Variants in SETD5 observed in about 807,000 individuals in gnomAD.
SETD5 encodes SET domain containing 5, also known as histone-lysine N-methyltransferase SETD5.
A neutral mutation model predicts 153.3 loss-of-function variants in SETD5; 44 were observed. The observed-to-expected ratio is 0.29, with a 90% confidence interval of 0.23 to 0.37. The LOEUF is 0.37. SETD5 is among the 10% of genes least tolerant of loss of function. The probability of loss-of-function intolerance (pLI) is 1.00; values close to 1 mark genes in which losing one functional copy is unlikely to be tolerated. For missense variants in SETD5, 1,544 were observed against 1,768.0 expected (o/e 0.87, Z 2.27); for synonymous variants, 716 against 645.2 (o/e 1.11, Z -1.66).
intron 1 of SETD5, among the ~76,000 whole-genome samples, chr3:9,406,309 A>G (rs934450468): frequency 6.6e-6 from 1 of 152,258 alleles, no homozygotes; most frequent in Non-Finnish European, 1.5e-5. Flanking sequence ...ATGATTGATT[A>G]TATGCTGAAT....
rs1207340738 is a variant in SETD5, at chr3:9,470,929, A to G, written c.3195A>G (p.Lys1065=). 1 of 1,532,616 alleles carries G rather than the reference A, an allele frequency of 6.5e-7. No individual in the cohort carries two copies. The highest frequency in any genetic ancestry group is 8.9e-7 in the Non-Finnish European group (1 of 1,127,582). The allele number at this position is 1,532,616 out of a possible 1,614,324, so 94.9% of individuals were successfully genotyped here. ...CCCAGAACCCACCACAGAGGAAAAA[A>G]GTAAGTGTTTCATGTTATATCGGCG... is the stretch of plus-strand genomic sequence containing the variant. ...SAPQNPPQRK[K]VSLLEYRKRK... is the part of the protein sequence containing the mutation. Residue 1065 remains lysine, a splice_region_variant and synonymous_variant, in exon 19 of 23, where the codon AAA becomes AAG. Coordinates refer to ENST00000402198, the MANE Select transcript of SETD5 (RefSeq NM_001080517.3).
chr3:9,440,429 TA>T, intron 7 of SETD5, 26 bp from the exon 8 acceptor site: 1 of 1,264,016 alleles, frequency 7.9e-7, no homozygotes, highest in Non-Finnish European at 1.2e-6. Context: ...TGGACTTTAC[TA>T]ACCTCCCTGA....
chr3:9,412,387 GTTTTTTTTTTT>G (rs370566998), intron 1 of SETD5, among the ~76,000 whole-genome samples: 3 of 89,542 alleles, frequency 3.4e-5, no homozygotes, highest in East Asian at 3.2e-4. Context: ...ACAGTTTTGG[GTTTTTTTTTTT>G]TTTTTTTTTT....
chr3:9,468,557 C>T (rs183808775), intron 18 of SETD5: 63 of 1,304,292 alleles, frequency 4.8e-5, no homozygotes, highest in Middle Eastern at 2.1e-4. Context: ...CGCATAGGCC[C>T]GAGTCCCTGT....
Position 9,447,776 on chromosome 3 carries a change from A to G in SETD5, c.1873A>G (p.Ser625Gly), listed in dbSNP as rs1477767954. ...GAGTCGAATTTCTCGGTACAGGACC[A>G]GTTCAGCCCAAAGACTAAAGCGTCA... is the stretch of plus-strand genomic sequence containing the variant. ...PKSRISRYRT[S>G]SAQRLKRQKQ... Residue 625 changes from serine (S) to glycine (G), a missense_variant, in exon 15 of 23, where the codon AGT becomes GGT. Ser to Gly is a moderately conservative substitution (Grantham distance 56). Around this residue, in one of 9 missense-constraint regions of SETD5, gnomAD observed 782 missense variants for 787.2 expected, o/e 0.99. Coordinates refer to ENST00000402198, the MANE Select transcript of SETD5 (RefSeq NM_001080517.3). 2 of 1,614,056 alleles carry G rather than the reference A, an allele frequency of 1.2e-6. No homozygotes were observed. The highest frequency in any genetic ancestry group is 1.7e-5 in the Admixed American group (1 of 60,024).
rs112181104 is a variant in SETD5, at chr3:9,446,026, G to A, written c.1524+286G>A. Among the ~76,000 whole-genome samples, 174 of 133,920 alleles carry A rather than the reference G, an allele frequency of 1.3e-3. 2 individuals carry two copies. The highest frequency in any genetic ancestry group is 4.6e-3 in the African/African-American group (162 of 35,072). The allele number at this position is 133,920 out of a possible 152,430, so 87.9% of individuals were successfully genotyped here. A position where few individuals can be genotyped will look rare whatever the true frequency, so the allele number is the denominator to read the frequency against. On this transcript the variant is annotated intron_variant, in intron 13 of 22. Coordinates refer to ENST00000402198, the MANE Select transcript of SETD5 (RefSeq NM_001080517.3). ...GTTTCCGCTGGGCGCGGTGGCTCAC[G>A]CCTGTAATCCCAGCACTTTGGGAGG...
At chr3:9,475,408 G>C in intron 22 of SETD5, 75 bp from the exon 23 acceptor site, 1 of 1,525,778 alleles carries the variant, frequency 6.6e-7, no homozygotes, top group Non-Finnish European at 8.8e-7. Context: ...AAAGAATGTA[G>C]GGTATTATAA....
At chr3:9,433,230 T>C (rs943593900) in intron 3 of SETD5, 1 of 441,120 alleles carries the variant, frequency 2.3e-6, no homozygotes, top group Admixed American at 3.6e-5. Flanking sequence ...AGCTGATAAA[T>C]AATTTTGTCC....
intron 7 of SETD5, among the ~76,000 whole-genome samples, chr3:9,437,183 GT>G (rs1179213248): frequency 6.6e-6 from 1 of 152,168 alleles, no homozygotes; most frequent in Non-Finnish European, 1.5e-5. Context: ...TTCTGTCACT[GT>G]GATTGAACTC....
chr3:9,403,778 G>C (rs1310756466), intron 1 of SETD5, among the ~76,000 whole-genome samples: 1 of 152,146 alleles, frequency 6.6e-6, no homozygotes, highest in African/African-American at 2.4e-5. Context: ...AGATCTGTTG[G>C]TTATCTGGTC....
intron 17 of SETD5, among the ~76,000 whole-genome samples, chr3:9,456,858 C>G (rs1240793505): frequency 6.6e-6 from 1 of 152,148 alleles, no homozygotes; most frequent in South Asian, 2.1e-4. Context: ...CACCTGTAGT[C>G]CCAGCTACTC....
At chr3:9,475,213 G>C in intron 22 of SETD5, 57 bp downstream of exon 22, 1 of 1,483,528 alleles carries the variant, frequency 6.7e-7, no homozygotes, top group Non-Finnish European at 9.2e-7. Context: ...GTCCCAAATT[G>C]TCCTGGTCAT....
At chr3:9,426,373 C>A (rs2039245898) in intron 2 of SETD5, among the ~76,000 whole-genome samples, 1 of 149,666 alleles carries the variant, frequency 6.7e-6, no homozygotes, top group Non-Finnish European at 1.5e-5. Context: ...TTAGCTGGGA[C>A]TACAGGTGCA....
At chr3:9,452,224 T>C (rs2042698538) in intron 16 of SETD5, among the ~76,000 whole-genome samples, 1 of 152,216 alleles carries the variant, frequency 6.6e-6, no homozygotes, top group African/African-American at 2.4e-5. Context: ...CCTGGAAATA[T>C]TAAAAAATTA....
At chr3:9,438,536 T>A (rs768899543) in intron 7 of SETD5, among the ~76,000 whole-genome samples, 2 of 152,104 alleles carry the variant, frequency 1.3e-5, no homozygotes, top group Non-Finnish European at 2.9e-5. Flanking sequence ...GAAAAAAAAA[T>A]TACTAGTCAT....
chr3:9,398,950 A>G (rs1422491759), intron 1 of SETD5, among the ~76,000 whole-genome samples: 5 of 151,994 alleles, frequency 3.3e-5, no homozygotes, highest in Non-Finnish European at 5.9e-5. Flanking sequence ...TATGACCTGC[A>G]TTTTCTGCTT....
intron 1 of SETD5, among the ~76,000 whole-genome samples, chr3:9,404,522 G>T (rs983463767): frequency 1.3e-5 from 2 of 152,014 alleles, no homozygotes; most frequent in Non-Finnish European, 2.9e-5. Context: ...AGAAATTTAG[G>T]GTAGTCATTT....
At chr3:9,405,238 A>G (rs2035469579) in intron 1 of SETD5, among the ~76,000 whole-genome samples, 2 of 152,166 alleles carry the variant, frequency 1.3e-5, no homozygotes, top group South Asian at 4.1e-4. Context: ...CATTATTACC[A>G]CCAGATGCCA....
chr3:9,478,022 T>A lies in SETD5; in HGVS notation c.*1931T>A, dbSNP rs1283355355. The A allele has an allele frequency of 6.6e-6, 1 of 152,358 alleles. No homozygotes were observed. The highest frequency in any genetic ancestry group is 1.5e-5 in the Non-Finnish European group (1 of 68,306). 9.4% of individuals were successfully genotyped at this position (152,358 alleles called of 1,614,324 possible). A position where few individuals can be genotyped will look rare whatever the true frequency, so the allele number is the denominator to read the frequency against. ...GTAGGGGCGGGGGGGTGGGGGGAAC[T>A]CTTGGAAGGGAAGAAGTATCACTTC... is the stretch of plus-strand genomic sequence containing the variant. On this transcript the variant is annotated 3_prime_UTR_variant, in exon 23 of 23. Transcript: ENST00000402198.
Sources: gnomAD v4.1 joint callset for allele counts (sites outside exome capture counted in the v4.1 genomes callset) on GRCh38, gnomAD v4.1.1 for gene constraint, gnomAD v4.1.1 regional missense constraint, MANE v1.5 for transcripts, NCBI Gene and HGNC (gene_info 2026-07-23, HGNC 2026-07-21) for gene names.